Variants in PDZD2 observed in about 807,000 individuals in gnomAD.
PDZD2 encodes the protein PDZ domain-containing protein 2.
A neutral mutation model predicts 220.7 loss-of-function variants in PDZD2; 90 were observed. The observed-to-expected ratio is 0.41, with a 90% CI of 0.34 to 0.49. The LOEUF (loss-of-function observed/expected upper bound fraction) is 0.49, where lower values mean the gene tolerates loss of function less well. PDZD2 is among the 20% of genes least tolerant of loss of function. The pLI, the probability that PDZD2 is intolerant of heterozygous loss-of-function variation, is 0.28. For synonymous variants in PDZD2, 1,375 were observed against 1,450.5 expected, an observed-to-expected ratio of 0.95 and a Z score of 1.18; for missense variants, 3,174 against 3,608.5, an observed-to-expected ratio of 0.88 and a Z score of 3.08.
chr5:31,738,178 T>A (rs1750021687), intron 1 of PDZD2: 1 of 152,202 alleles, frequency 6.6e-6, no homozygotes, highest in Middle Eastern at 3.2e-3. Context: ...TCACCACACA[T>A]GGAGTCCTCA....
At chr5:31,764,461 G>A (rs1000685770) in intron 1 of PDZD2, among the ~76,000 whole-genome samples, 1 of 152,068 alleles carries the variant, frequency 6.6e-6, no homozygotes, top group Non-Finnish European at 1.5e-5. Flanking sequence ...TAAGAAGTAG[G>A]GCAACCTCGA....
At chr5:31,653,045 C>T (rs1376581416) in intron 1 of PDZD2, among the ~76,000 whole-genome samples, 2 of 151,942 alleles carry the variant, frequency 1.3e-5, no homozygotes, top group Non-Finnish European at 2.9e-5. Context: ...CAAAAAAACA[C>T]GGTGAGCCTC....
intron 2 of PDZD2, among the ~76,000 whole-genome samples, chr5:31,837,425 A>G (rs971246867): frequency 2.6e-5 from 4 of 152,134 alleles, no homozygotes; most frequent in African/African-American, 9.7e-5. Flanking sequence ...TTTTTAAACG[A>G]TCATAAAGAA....
chr5:31,959,310 A>T (rs1157343449), intron 2 of PDZD2, among the ~76,000 whole-genome samples: 2 of 150,782 alleles, frequency 1.3e-5, no homozygotes, highest in African/African-American at 4.9e-5. Flanking sequence ...TAATCATGCA[A>T]TATGTTATTT....
chr5:31,878,620 C>T lies in PDZD2; in HGVS notation c.476+78896C>T, dbSNP rs188979693. 7.4e-3 allele frequency among the ~76,000 whole-genome samples: 876 copies of T among 118,636 alleles called. 2 individuals carry two copies. The highest frequency in any genetic ancestry group is 0.049 in the Middle Eastern group (7 of 144). The allele number at this position is 118,636 out of a possible 152,430, so 77.8% of individuals were successfully genotyped here. A position where few individuals can be genotyped will look rare whatever the true frequency, so the allele number is the denominator to read the frequency against. On this transcript the variant is annotated intron_variant, in intron 2 of 24. Transcript: ENST00000438447. Reference sequence around the variant, plus strand: ...TGTCGCCCAGGCTGGAGTGCAGTGGCGCGATCTCGGCTCACTGCAGGCTCC... The same window carrying T: ...TGTCGCCCAGGCTGGAGTGCAGTGGTGCGATCTCGGCTCACTGCAGGCTCC...
chr5:31,640,602 A>G (rs900459338), intron 1 of PDZD2, among the ~76,000 whole-genome samples: 1 of 152,078 alleles, frequency 6.6e-6, no homozygotes, highest in Non-Finnish European at 1.5e-5. Context: ...GGGTCTCTGA[A>G]CACTGGAGGG....
intron 2 of PDZD2, among the ~76,000 whole-genome samples, chr5:31,932,904 CCT>C (rs759439214): frequency 0.018 from 139 of 7,724 alleles, no homozygotes; most frequent in East Asian, 0.033. Context: ...AGCATAGTGT[CCT>C]TTTTTTTTTT....
intron 2 of PDZD2, among the ~76,000 whole-genome samples, chr5:31,850,150 A>G (rs1211838965): frequency 1.6e-5 from 2 of 121,468 alleles, no homozygotes; most frequent in Non-Finnish European, 3.4e-5. Flanking sequence ...ATATAAGTAT[A>G]TATGTGTATA....
At chr5:31,824,035 T>C (rs886122818) in intron 2 of PDZD2, among the ~76,000 whole-genome samples, 3 of 152,200 alleles carry the variant, frequency 2.0e-5, no homozygotes, top group African/African-American at 7.2e-5. Flanking sequence ...TGCATCTTAC[T>C]AGTATAGGGA....
chr5:31,863,414 G>T (rs548416939), intron 2 of PDZD2, among the ~76,000 whole-genome samples: 1 of 152,308 alleles, frequency 6.6e-6, no homozygotes, highest in Admixed American at 6.5e-5. Flanking sequence ...CTGAAGTGGT[G>T]CCTGCCTAGC....
intron 2 of PDZD2, among the ~76,000 whole-genome samples, chr5:31,926,326 C>T (rs886700596): frequency 2.0e-5 from 3 of 151,364 alleles, no homozygotes; most frequent in Non-Finnish European, 4.4e-5. Flanking sequence ...GTCAGGAGTT[C>T]GAGACCAGCG....
intron 2 of PDZD2, among the ~76,000 whole-genome samples, chr5:31,821,626 G>A (rs562792165): frequency 1.1e-4 from 17 of 152,138 alleles, no homozygotes; most frequent in African/African-American, 3.9e-4. Context: ...TGATCTACCC[G>A]CCTCGGCCTC....
chr5:31,961,659 T>G (rs985303941), intron 2 of PDZD2, among the ~76,000 whole-genome samples: 5 of 152,252 alleles, frequency 3.3e-5, no homozygotes, highest in African/African-American at 1.2e-4. Flanking sequence ...TTGTTTGTTT[T>G]TTTGAGACGA....
intron 1 of PDZD2, among the ~76,000 whole-genome samples, chr5:31,729,173 G>A (rs1049669633): frequency 5.0e-5 from 7 of 139,382 alleles, no homozygotes; most frequent in Non-Finnish European, 1.0e-4. Flanking sequence ...GTGCGATCTC[G>A]GCTAACTGCA....
In PDZD2 at chr5:31,995,609, C is replaced by T; in HGVS notation, c.1012C>T (p.Leu338Phe). Residue 338 changes from leucine to phenylalanine, a missense_variant, in exon 4 of 25, where the codon CTC (leucine) becomes TTC (phenylalanine). Physicochemically the swap from Leu to Phe is conservative, Grantham distance 22. Around this residue, in one of 4 missense-constraint regions of PDZD2, gnomAD observed 632 missense variants for 708.1 expected, o/e 0.89. Coordinates refer to ENST00000438447, the MANE Select transcript of PDZD2 (RefSeq NM_178140.4). Reference protein sequence around the residue: ...EVGRIWKMELLKESDGLGIQV... With the variant: ...EVGRIWKMELFKESDGLGIQV... The stretch of plus-strand genomic sequence containing the variant: ...TGGCCGAATATGGAAGATGGAGCTG[C>T]TCAAAGAATCGGATGGGCTGGGAAT... 6.2e-7 allele frequency: 1 copy of T among 1,614,112 alleles called. No homozygotes were observed. Among genetic ancestry groups the T allele is most frequent in the Non-Finnish European group, 8.5e-7 (1 of 1,179,992 alleles).
chr5:31,886,307 G>A (rs910680926), intron 2 of PDZD2, among the ~76,000 whole-genome samples: 7 of 152,292 alleles, frequency 4.6e-5, no homozygotes, highest in African/African-American at 1.2e-4. Context: ...TGAACTCTCA[G>A]GCTGGCAGCG....
intron 2 of PDZD2, among the ~76,000 whole-genome samples, chr5:31,964,630 A>G (rs1213312204): frequency 6.6e-6 from 1 of 152,216 alleles, no homozygotes; most frequent in Non-Finnish European, 1.5e-5. Context: ...ATTCCTGACC[A>G]GCCTGTTTTG....
chr5:32,065,022 G>A (rs12055277), intron 14 of PDZD2, among the ~76,000 whole-genome samples: 14,343 of 151,538 alleles, frequency 0.095, 842 homozygotes, highest in East Asian at 0.23. Flanking sequence ...CCTCTTGGCC[G>A]GGTGCAGTGG....
Position 32,108,678 on chromosome 5 carries a change from A to C in PDZD2, c.*543A>C, listed in dbSNP as rs1745051075. On this transcript the variant is annotated 3_prime_UTR_variant, in exon 25 of 25. Coordinates refer to ENST00000438447, the MANE Select transcript of PDZD2 (RefSeq NM_178140.4). ...CTGAAAAGAGAATAAGACTTACTTAAAAAAATGAATTATGACCTGTTAGGC... is the reference window on the plus strand; with the variant it reads ...CTGAAAAGAGAATAAGACTTACTTACAAAAATGAATTATGACCTGTTAGGC... 6.6e-6 allele frequency: 1 copy of C among 152,660 alleles called. No individual in the cohort carries two copies. The highest frequency in any genetic ancestry group is 1.5e-5 in the Non-Finnish European group (1 of 68,042). 9.5% of individuals were successfully genotyped at this position (152,660 alleles called of 1,614,324 possible).
Sources: gnomAD v4.1 joint callset for allele counts (sites outside exome capture counted in the v4.1 genomes callset) on GRCh38, gnomAD v4.1.1 for gene constraint, gnomAD v4.1.1 regional missense constraint, MANE v1.5 for transcripts, NCBI Gene and HGNC (gene_info 2026-07-23, HGNC 2026-07-21) for gene names.